Variants in PCDH7 observed in about 807,000 individuals in gnomAD.
PCDH7 encodes the protein protocadherin-7.
In PCDH7, 17 loss-of-function variants were observed where a neutral mutation model predicts 58.9. The ratio of observed to expected loss-of-function variants is 0.29; its 90% CI spans 0.20 to 0.43. The LOEUF is 0.43. Ranked by LOEUF, PCDH7 falls within the 20% of genes least tolerant of loss-of-function variation. The probability of loss-of-function intolerance (pLI) is 1.00; values close to 1 mark genes in which losing one functional copy is unlikely to be tolerated. For synonymous variants in PCDH7, 664 were observed against 616.4 expected, an observed-to-expected ratio of 1.08 and a Z score of -1.14; for missense variants, 1,274 against 1,441.0, an observed-to-expected ratio of 0.88 and a Z score of 1.88.
At chr4:31,034,768 T>C (rs1157400461) in intron 3 of PCDH7, among the ~76,000 whole-genome samples, 2 of 152,150 alleles carry the variant, frequency 1.3e-5, no homozygotes, top group African/African-American at 4.8e-5. Flanking sequence ...ATATCTTATC[T>C]GTGAAATGCT....
rs146723606 is a variant in PCDH7 at position 30,978,162 on chromosome 4, T to A, written c.*7+27947T>A. 1.7e-3 allele frequency among the ~76,000 whole-genome samples: 257 copies of A among 152,310 alleles called. 3 individuals are homozygous for A. The highest frequency in any genetic ancestry group is 5.9e-3 in the African/African-American group (246 of 41,564). The stretch of plus-strand genomic sequence containing the variant: ...TCACAGAATCCTGACTCCCTTATCC[T>A]AAGATTACATAAGAAAACATCTTAT... On this transcript the variant is annotated intron_variant, in intron 3 of 3. Coordinates refer to the PCDH7 transcript ENST00000509759.
chr4:30,731,229 C>A, exon 2 of PCDH7: 1 of 763,326 alleles, frequency 1.3e-6, no homozygotes, highest in Non-Finnish European at 1.6e-6. Context: ...TTTTAAGTGC[C>A]ATGTAATCAC....
rs796647949 is a variant in PCDH7, at chr4:30,803,075, G to A, written c.70+78479G>A. Among the ~76,000 whole-genome samples, 3 of 152,162 alleles carry A rather than the reference G, an allele frequency of 2.0e-5. No individual in the cohort carries two copies. In the South Asian group the frequency reaches 6.2e-4, roughly 32 times the overall value. The stretch of plus-strand genomic sequence containing the variant: ...TTAGGGAGAGAAGGAAGTGAAGCCA[G>A]GAAGGATTAGACACTGCCAATTCAG... On this transcript the variant is annotated intron_variant, in intron 1 of 3. Coordinates refer to the PCDH7 transcript ENST00000509759.
chr4:30,921,350 TAA>T (rs1743169626), intron 2 of PCDH7, among the ~76,000 whole-genome samples: 1 of 152,116 alleles, frequency 6.6e-6, no homozygotes, highest in African/African-American at 2.4e-5. Flanking sequence ...CCGAGTGACA[TAA>T]GACGCTCTAA....
intron 1 of PCDH7, among the ~76,000 whole-genome samples, chr4:30,792,062 TTATTA>T (rs1724190673): frequency 1.3e-5 from 2 of 152,240 alleles, no homozygotes; most frequent in Admixed American, 6.5e-5. Flanking sequence ...TGTGCTGTGT[TTATTA>T]AGTGATAAGA....
At chr4:31,090,014 C>G (rs1348062497) in intron 3 of PCDH7, among the ~76,000 whole-genome samples, 1 of 152,018 alleles carries the variant, frequency 6.6e-6, no homozygotes, top group Non-Finnish European at 1.5e-5. Context: ...AAACACCTGA[C>G]TCAGATGTCG....
intron 3 of PCDH7, among the ~76,000 whole-genome samples, chr4:31,059,450 C>T (rs1757509434): frequency 6.6e-6 from 1 of 151,898 alleles, no homozygotes; most frequent in South Asian, 2.1e-4. Flanking sequence ...AGAATTGTAT[C>T]AATTCAGATT....
intron 1 of PCDH7, among the ~76,000 whole-genome samples, chr4:30,779,019 T>G (rs936668495): frequency 2.7e-5 from 4 of 145,484 alleles, no homozygotes; most frequent in African/African-American, 1.0e-4. Context: ...TTTTTTTTTT[T>G]TTTTTTTTTT....
chr4:30,836,153 G>C (rs1482802137), intron 1 of PCDH7, among the ~76,000 whole-genome samples: 1 of 152,160 alleles, frequency 6.6e-6, no homozygotes, highest in Admixed American at 6.5e-5. Flanking sequence ...TGAAGATGTT[G>C]TAAGTACTGA....
chr4:31,048,561 A>G (rs1212500927), intron 3 of PCDH7, among the ~76,000 whole-genome samples: 1 of 152,184 alleles, frequency 6.6e-6, no homozygotes, highest in Non-Finnish European at 1.5e-5. Context: ...TCATTTATGC[A>G]AGGACAGACC....
At chr4:31,135,090 G>T (rs898974510) in intron 3 of PCDH7, among the ~76,000 whole-genome samples, 4 of 152,104 alleles carry the variant, frequency 2.6e-5, no homozygotes, top group Non-Finnish European at 4.4e-5. Context: ...TTTGTTTTAT[G>T]ATTTTTGATG....
chr4:30,769,997 T>G (rs1055984268), intron 1 of PCDH7, among the ~76,000 whole-genome samples: 2 of 152,186 alleles, frequency 1.3e-5, no homozygotes, highest in Admixed American at 6.5e-5. Flanking sequence ...AAATTTAGCC[T>G]GAAGTGGCCA....
At chr4:30,902,583 A>G (rs1740367020) in intron 1 of PCDH7, among the ~76,000 whole-genome samples, 1 of 152,134 alleles carries the variant, frequency 6.6e-6, no homozygotes, top group Admixed American at 6.6e-5. Flanking sequence ...TTAACAGATT[A>G]TGGGTCCCAA....
At chr4:31,050,296 A>G (rs1353722763) in intron 3 of PCDH7, among the ~76,000 whole-genome samples, 1 of 152,132 alleles carries the variant, frequency 6.6e-6, no homozygotes, top group Non-Finnish European at 1.5e-5. Flanking sequence ...TGTTGATTCT[A>G]TTACCATTGT....
chr4:30,859,142 T>C (rs80134708), intron 1 of PCDH7, among the ~76,000 whole-genome samples: 1 of 152,214 alleles, frequency 6.6e-6, no homozygotes, highest in Non-Finnish European at 1.5e-5. Flanking sequence ...TTTGTTTTTG[T>C]TATATTGTAG....
chr4:30,985,661 T>C (rs1342705637), intron 3 of PCDH7, among the ~76,000 whole-genome samples: 1 of 152,240 alleles, frequency 6.6e-6, no homozygotes, highest in African/African-American at 2.4e-5. Flanking sequence ...TGTAGCATAG[T>C]ACTTATCATA....
intron 2 of PCDH7, among the ~76,000 whole-genome samples, chr4:30,921,973 T>C (rs185916015): frequency 1.3e-5 from 2 of 151,726 alleles, no homozygotes; most frequent in Non-Finnish European, 1.5e-5. Flanking sequence ...TTTATGAGTT[T>C]ATGGGGATTC....
intron 3 of PCDH7, among the ~76,000 whole-genome samples, chr4:30,965,536 A>G (rs10025972): frequency 0.015 from 2,332 of 152,208 alleles, 51 homozygotes; most frequent in African/African-American, 0.052. Flanking sequence ...ATCACATGAT[A>G]AGATATCAAA....
chr4:30,786,138 G>T (rs1577797881), intron 1 of PCDH7, among the ~76,000 whole-genome samples: 1 of 152,134 alleles, frequency 6.6e-6, no homozygotes, highest in East Asian at 1.9e-4. Flanking sequence ...CTTTGAAAAG[G>T]GGCGTAATTC....
Sources: gnomAD v4.1 joint callset for allele counts (sites outside exome capture counted in the v4.1 genomes callset) on GRCh38, gnomAD v4.1.1 for gene constraint, MANE v1.5 for transcripts, NCBI Gene and HGNC (gene_info 2026-07-23, HGNC 2026-07-21) for gene names.